The following ERC1 variants were observed in gnomAD, a reference collection of about 807,000 sequenced individuals.
ERC1 encodes the protein ELKS/RAB6-interacting/CAST family member 1, also known as RAB6 interacting protein 2.
Under a neutral mutation model 132.0 loss-of-function variants are expected in ERC1, and 56 were observed. The ratio of observed to expected loss-of-function variants is 0.42; its 90% CI spans 0.34 to 0.53. The LOEUF (loss-of-function observed/expected upper bound fraction) is 0.53, where lower values mean the gene tolerates loss of function less well. ERC1 is among the 20% of genes least tolerant of loss of function. The probability of loss-of-function intolerance (pLI) is 0.03; values close to 1 mark genes in which losing one functional copy is unlikely to be tolerated. For synonymous variants in ERC1, 478 were observed against 476.1 expected, an observed-to-expected ratio of 1.00 and a Z score of -0.05; for missense variants, 1,202 against 1,349.9, an observed-to-expected ratio of 0.89 and a Z score of 1.72.
intron 15 of ERC1, among the ~76,000 whole-genome samples, chr12:1,341,069 CTTTTTTTTTTTTTTTT>C (rs35902573): frequency 3.4e-3 from 215 of 63,046 alleles, no homozygotes; most frequent in Non-Finnish European, 5.1e-3. Flanking sequence ...TTTTCTTTTT[CTTTTTTTTTTTTTTTT>C]TTTTTTTTTT....
Position 1,033,079 on chromosome 12 carries a change from C to T in ERC1, c.669+4507C>T, listed in dbSNP as rs1592822799. Among the ~76,000 whole-genome samples the T allele has an allele frequency of 4.6e-5, 7 of 151,218 alleles. No individual in the cohort carries two copies. The South Asian group carries it at 1.5e-3, about 32-fold the overall frequency. On this transcript the variant is annotated intron_variant, in intron 2 of 18. Coordinates refer to ENST00000360905, the MANE Select transcript of ERC1 (RefSeq NM_178040.4). ...GAAACAAGAGTCTCGCTCTGTTGCT[C>T]AGGCTGGAGTGTGGTGGCGTGATCT...
chr12:1,154,982 A>G (rs1951229474), intron 8 of ERC1, among the ~76,000 whole-genome samples: 1 of 152,336 alleles, frequency 6.6e-6, no homozygotes, highest in South Asian at 2.1e-4. Flanking sequence ...TACAACCTTT[A>G]TGGAAAACTG....
intron 16 of ERC1, among the ~76,000 whole-genome samples, chr12:1,389,687 T>C (rs756714013): frequency 2.0e-5 from 3 of 152,230 alleles, no homozygotes; most frequent in African/African-American, 4.8e-5. Flanking sequence ...TGATTTGATA[T>C]ATAAATTAAT....
At chr12:1,396,733 A>G (rs560011483) in intron 16 of ERC1, among the ~76,000 whole-genome samples, 2 of 152,310 alleles carry the variant, frequency 1.3e-5, no homozygotes, top group South Asian at 4.1e-4. Flanking sequence ...CCCAGGGGCT[A>G]GCAGACGTAG....
intron 15 of ERC1, among the ~76,000 whole-genome samples, chr12:1,313,916 G>A (rs958439040): frequency 6.6e-6 from 1 of 152,072 alleles, no homozygotes; most frequent in African/African-American, 2.4e-5. Flanking sequence ...CCTGGAAGGC[G>A]GAGTTTGCTG....
intron 16 of ERC1, among the ~76,000 whole-genome samples, chr12:1,378,054 G>A (rs1325909204): frequency 3.9e-5 from 6 of 152,126 alleles, no homozygotes; most frequent in African/African-American, 9.7e-5. Context: ...GGTTTGAAAT[G>A]TGTCGTCTTT....
intron 2 of ERC1, among the ~76,000 whole-genome samples, chr12:1,057,183 G>A (rs762445863): frequency 2.6e-5 from 4 of 151,994 alleles, no homozygotes; most frequent in East Asian, 3.9e-4. Flanking sequence ...CTTTGTCAGC[G>A]CGATCTCTCG....
Position 1,490,034 on chromosome 12 carries a change from C to G in ERC1, c.3214-59C>G. 6 of 1,563,768 alleles carry G rather than the reference C, an allele frequency of 3.8e-6. No homozygotes were observed. In the South Asian group the frequency reaches 6.9e-5, roughly 18 times the overall value. ...TGTCATTTATTGATGAAAAATAATT[C>G]TTAGCTCAGTGCAAATGGGATTGTT... On this transcript the variant is annotated intron_variant, in intron 18 of 18. Coordinates refer to ENST00000360905, the MANE Select transcript of ERC1 (RefSeq NM_178040.4).
At chr12:999,334 T>C (rs538535711) in intron 1 of ERC1, among the ~76,000 whole-genome samples, 5 of 152,194 alleles carry the variant, frequency 3.3e-5, no homozygotes, top group Non-Finnish European at 7.3e-5. Context: ...TGCTACTGAA[T>C]GTTTCCATTT....
At chr12:1,422,917 T>C (rs2092480277) in intron 17 of ERC1, among the ~76,000 whole-genome samples, 1 of 152,256 alleles carries the variant, frequency 6.6e-6, no homozygotes, top group Non-Finnish European at 1.5e-5. Flanking sequence ...TGTGTGATGG[T>C]ATCTCATGGT....
intron 15 of ERC1, among the ~76,000 whole-genome samples, chr12:1,325,730 G>T (rs188006881): frequency 6.0e-4 from 91 of 152,168 alleles, no homozygotes; most frequent in Non-Finnish European, 1.1e-3. Flanking sequence ...ACAAAAATTT[G>T]TAGACATCTA....
intron 8 of ERC1, among the ~76,000 whole-genome samples, chr12:1,150,544 T>G (rs765183211): frequency 2.5e-4 from 38 of 152,350 alleles, no homozygotes; most frequent in African/African-American, 8.7e-4. Context: ...GGCTTTTTAT[T>G]TGATGAGTCA....
At chr12:1,297,302 G>T (rs1422055362) in intron 15 of ERC1, among the ~76,000 whole-genome samples, 1 of 151,278 alleles carries the variant, frequency 6.6e-6, no homozygotes, top group Non-Finnish European at 1.5e-5. Context: ...AATATGAAAA[G>T]AATTCATCTC....
At chr12:1,076,830 T>G (rs1442420466) in intron 2 of ERC1, among the ~76,000 whole-genome samples, 1 of 152,194 alleles carries the variant, frequency 6.6e-6, no homozygotes. Context: ...TCATAAAAAA[T>G]TTATGACAGG....
intron 1 of ERC1, among the ~76,000 whole-genome samples, chr12:1,012,145 G>A (rs1964781471): frequency 6.6e-6 from 1 of 152,008 alleles, no homozygotes; most frequent in Non-Finnish European, 1.5e-5. Context: ...GAGTAGATTG[G>A]TTTTTCCTGT....
intron 15 of ERC1, among the ~76,000 whole-genome samples, chr12:1,335,299 T>C (rs535533794): frequency 2.0e-5 from 3 of 152,290 alleles, no homozygotes; most frequent in East Asian, 3.9e-4. Context: ...CATCCTTGTC[T>C]TACACCAGTT....
chr12:1,190,094 T>C, intron 12 of ERC1, 42 bp downstream of exon 12: 1 of 1,539,998 alleles, frequency 6.5e-7, no homozygotes, highest in Non-Finnish European at 9.0e-7. Context: ...GGTTAAAGTA[T>C]GGTTTTAAAA....
Position 1,328,865 on chromosome 12 carries a change from G to A in ERC1, c.2780+38853G>A, listed in dbSNP as rs1311011448. Among the ~76,000 whole-genome samples the A allele has an allele frequency of 5.0e-5, 6 of 119,680 alleles. 1 individual carries two copies. Among genetic ancestry groups the A allele is most frequent in the African/African-American group, 1.7e-4 (5 of 28,744 alleles). The allele number at this position is 119,680 out of a possible 152,430, so 78.5% of individuals were successfully genotyped here. On this transcript the variant is annotated intron_variant, in intron 15 of 18. Coordinates refer to ENST00000360905, the MANE Select transcript of ERC1 (RefSeq NM_178040.4). ...GTGTTAGACACGGTTCTACGTGTTA[G>A]CAGTATCATCTGGAATAAGACAGCC...
At chr12:1,246,790 T>C (rs189442401) in intron 13 of ERC1, among the ~76,000 whole-genome samples, 1 of 152,278 alleles carries the variant, frequency 6.6e-6, no homozygotes, top group Admixed American at 6.5e-5. Flanking sequence ...ATTCCAGTAA[T>C]GAGAAAATGC....
Sources: allele counts gnomAD v4.1 joint callset (sites outside exome capture counted in the v4.1 genomes callset), GRCh38; gene constraint gnomAD v4.1.1; transcripts MANE v1.5; gene names NCBI Gene and HGNC (gene_info 2026-07-23, HGNC 2026-07-21).